The following CNTN3 variants were observed in gnomAD, a reference collection of about 807,000 sequenced individuals.
The protein encoded by CNTN3 is contactin 3.
A neutral mutation model predicts 119.1 loss-of-function variants in CNTN3; 60 were observed. The ratio of observed to expected loss-of-function variants is 0.50; its 90% CI spans 0.41 to 0.62. The LOEUF (loss-of-function observed/expected upper bound fraction) is 0.62. Among genes scored for constraint, CNTN3 ranks in the 20% least tolerant of loss-of-function variants. The probability of loss-of-function intolerance (pLI) is 0.00; values close to 1 mark genes in which losing one functional copy is unlikely to be tolerated. For synonymous variants in CNTN3, 450 were observed against 438.7 expected, an observed-to-expected ratio of 1.03 and a Z score of -0.32; for missense variants, 1,101 against 1,242.4, an observed-to-expected ratio of 0.89 and a Z score of 1.71.
At chr3:74,285,059 A>C (rs1230972439) in intron 20 of CNTN3, among the ~76,000 whole-genome samples, 1 of 152,168 alleles carries the variant, frequency 6.6e-6, no homozygotes, top group Non-Finnish European at 1.5e-5. Context: ...GATAGATTTA[A>C]CCTAACACCC....
intron 10 of CNTN3, 115 bp downstream of exon 10, chr3:74,364,352 T>A: frequency 1.0e-6 from 1 of 962,344 alleles, no homozygotes; most frequent in South Asian, 1.7e-5. Flanking sequence ...GTTGTAATAC[T>A]GTAGATATTA....
rs532607068 is a variant in CNTN3 at position 74,559,316 on chromosome 3, G to T, written c.-80-38124C>A. ...TGCAAGGACCCAGTGATTTGCATCAGTGGTTTTTCGGTACTAACAACCCCT... is the reference window on the plus strand; with the variant it reads ...TGCAAGGACCCAGTGATTTGCATCATTGGTTTTTCGGTACTAACAACCCCT... On this transcript the variant is annotated intron_variant, in intron 1 of 22. Coordinates refer to ENST00000263665, the MANE Select transcript of CNTN3 (RefSeq NM_020872.3). Among the ~76,000 whole-genome samples the T allele has an allele frequency of 4.6e-5, 7 of 152,260 alleles. No homozygotes were observed. In the South Asian group the frequency reaches 1.0e-3, roughly 23 times the overall value.
intron 4 of CNTN3, among the ~76,000 whole-genome samples, chr3:74,476,130 T>C (rs1341902170): frequency 1.3e-5 from 2 of 152,092 alleles, no homozygotes; most frequent in African/African-American, 4.8e-5. Flanking sequence ...TGGCCATGAG[T>C]TCAATGTTAA....
chr3:74,390,369 C>CTTT (rs34399433), intron 5 of CNTN3, among the ~76,000 whole-genome samples: 15 of 123,232 alleles, frequency 1.2e-4, no homozygotes, highest in East Asian at 7.1e-4. Flanking sequence ...TGAGAGTATG[C>CTTT]TTTTTTTTTT....
intron 8 of CNTN3, 42 bp from the exon 9 acceptor site, chr3:74,365,744 C>T: frequency 6.3e-7 from 1 of 1,581,504 alleles, no homozygotes; most frequent in Non-Finnish European, 8.6e-7. Context: ...ATTTAAACCA[C>T]CCAGCAAATA....
intron 5 of CNTN3, among the ~76,000 whole-genome samples, chr3:74,399,944 A>G (rs1705152074): frequency 6.6e-6 from 1 of 152,164 alleles, no homozygotes; most frequent in African/African-American, 2.4e-5. Flanking sequence ...GAAGGCAACC[A>G]TGGTGTCTTA....
intron 5 of CNTN3, among the ~76,000 whole-genome samples, chr3:74,387,049 T>A (rs1212385616): frequency 1.3e-5 from 2 of 152,166 alleles, no homozygotes; most frequent in Non-Finnish European, 2.9e-5. Flanking sequence ...TGGAAAGCGA[T>A]GCAAGCAGGT....
chr3:74,569,804 G>C (rs1575836506), intron 1 of CNTN3, among the ~76,000 whole-genome samples: 2 of 152,116 alleles, frequency 1.3e-5, no homozygotes, highest in African/African-American at 4.8e-5. Flanking sequence ...ATCTGGGGCT[G>C]AGATCTCCCC....
At chr3:74,562,555 G>C (rs760995225) in intron 1 of CNTN3, among the ~76,000 whole-genome samples, 8 of 152,118 alleles carry the variant, frequency 5.3e-5, no homozygotes, top group Non-Finnish European at 1.0e-4. Context: ...GGGAAAACGA[G>C]AGGCTAATGA....
At chr3:74,599,426 A>G (rs1216166381) in intron 1 of CNTN3, among the ~76,000 whole-genome samples, 1 of 152,102 alleles carries the variant, frequency 6.6e-6, no homozygotes, top group Non-Finnish European at 1.5e-5. Flanking sequence ...TTTTGGCACC[A>G]GGGACCGGTT....
chr3:74,307,797 T>C (rs1216545165), intron 13 of CNTN3, among the ~76,000 whole-genome samples: 7 of 152,178 alleles, frequency 4.6e-5, no homozygotes, highest in Admixed American at 6.5e-5. Flanking sequence ...TTCAGTATAA[T>C]AAATTATAAG....
At position 74,544,136 on chromosome 3, in the gene CNTN3, G is replaced by A. The variant is rs567851681; in HGVS notation, c.-80-22944C>T. On this transcript the variant is annotated intron_variant, in intron 1 of 22. Coordinates refer to ENST00000263665, the MANE Select transcript of CNTN3 (RefSeq NM_020872.3). ...TCTCTGTATTGATCACAGACCACGA[G>A]GCAGAAAATACATTGAGGCAACTGA... Among the ~76,000 whole-genome samples the A allele has an allele frequency of 9.9e-5, 15 of 152,206 alleles. No individual in the cohort carries two copies. In the South Asian group the frequency reaches 3.1e-3, roughly 32 times the overall value.
chr3:74,568,158 A>T (rs2106644683), intron 1 of CNTN3, among the ~76,000 whole-genome samples: 1 of 151,568 alleles, frequency 6.6e-6, no homozygotes, highest in South Asian at 2.1e-4. Flanking sequence ...AAAAAAAATT[A>T]AATGACATTT....
chr3:74,512,637 T>C (rs1273292664), intron 2 of CNTN3, among the ~76,000 whole-genome samples: 2 of 118,480 alleles, frequency 1.7e-5, no homozygotes, highest in East Asian at 2.5e-4. Flanking sequence ...TCTCCTATAA[T>C]AGAAATAATG....
chr3:74,562,197 A>G (rs1332289989), intron 1 of CNTN3, among the ~76,000 whole-genome samples: 2 of 152,148 alleles, frequency 1.3e-5, no homozygotes, highest in Non-Finnish European at 1.5e-5. Flanking sequence ...AAAACTGTTA[A>G]CATGTTTGCA....
chr3:74,421,298 A>G (rs900429157), intron 5 of CNTN3, among the ~76,000 whole-genome samples: 2 of 151,992 alleles, frequency 1.3e-5, no homozygotes, highest in African/African-American at 4.8e-5. Flanking sequence ...CCTCCCGAGT[A>G]GCTGGGACTA....
At chr3:74,360,434 C>A (rs921294391) in intron 11 of CNTN3, among the ~76,000 whole-genome samples, 1 of 152,224 alleles carries the variant, frequency 6.6e-6, no homozygotes, top group Middle Eastern at 3.4e-3. Flanking sequence ...TGACTTCAGG[C>A]AAATTAATTC....
At chr3:74,508,749 A>G (rs569318345) in intron 2 of CNTN3, among the ~76,000 whole-genome samples, 19 of 152,280 alleles carry the variant, frequency 1.2e-4, no homozygotes, top group African/African-American at 4.3e-4. Flanking sequence ...CTATGTTCAT[A>G]TCATCACAAC....
In CNTN3 at chr3:74,298,210, C is replaced by T; in HGVS notation, c.2167-19G>A. 1 of 1,509,920 alleles carries T rather than the reference C, an allele frequency of 6.6e-7. No homozygotes were observed. The highest frequency in any genetic ancestry group is 9.0e-7 in the Non-Finnish European group (1 of 1,114,130). 93.5% of individuals were successfully genotyped at this position (1,509,920 alleles called of 1,614,324 possible). A position where few individuals can be genotyped will look rare whatever the true frequency, so the allele number is the denominator to read the frequency against. The stretch of plus-strand genomic sequence containing the variant: ...GGACTGGCTATAAAGGAAAGACATA[C>T]TGAATCACCCTTACACATAAGGGCA... On this transcript the variant is annotated intron_variant, in intron 17 of 22. Transcript: ENST00000263665.
Sources: gnomAD v4.1 joint callset for allele counts (sites outside exome capture counted in the v4.1 genomes callset) on GRCh38, gnomAD v4.1.1 for gene constraint, MANE v1.5 for transcripts, NCBI Gene and HGNC (gene_info 2026-07-23, HGNC 2026-07-21) for gene names.